Variants in BRAF observed in about 807,000 individuals in gnomAD.
BRAF encodes serine/threonine-protein kinase B-raf.
In BRAF, 16 loss-of-function variants were observed where a neutral mutation model predicts 104.6. The observed-to-expected ratio is 0.15, with a 90% CI of 0.10 to 0.23. BRAF has a LOEUF of 0.23. Ranked by LOEUF, BRAF falls within the 10% of genes least tolerant of loss-of-function variation. The pLI, the probability that BRAF is intolerant of heterozygous loss-of-function variation, is 1.00. For missense variants in BRAF, 541 were observed against 937.3 expected (o/e 0.58, Z 5.52); for synonymous variants, 310 against 341.6 (o/e 0.91, Z 1.02).
Position 140,721,668 on chromosome 7 carries a change from G to A in BRAF, c.*4826C>T. 1.3e-6 allele frequency: 2 copies of A among 1,534,776 alleles called. No homozygotes were observed. Among genetic ancestry groups the A allele is most frequent in the South Asian group, 1.2e-5 (1 of 83,756 alleles). Reference sequence around the variant, plus strand: ...TCTTCTGGGGCTCAACTACCGATGGGCATCAGTAATCCATCCCAGTATAAC... The same window carrying A: ...TCTTCTGGGGCTCAACTACCGATGGACATCAGTAATCCATCCCAGTATAAC... On this transcript the variant is annotated 3_prime_UTR_variant, in exon 20 of 20. Transcript: ENST00000644969.
Position 140,846,760 on chromosome 7 carries a change from T to A in BRAF, c.240+3351A>T, listed in dbSNP as rs557727842. Among the ~76,000 whole-genome samples the A allele has an allele frequency of 1.1e-4, 16 of 152,232 alleles. No homozygotes were observed. The South Asian group carries it at 2.7e-3, about 26-fold the overall frequency. On this transcript the variant is annotated intron_variant, in intron 2 of 19. Transcript: ENST00000644969. Reference sequence around the variant, plus strand: ...TGAGAAACCTGCAGAACGGTGGGTCTCAGTGAGTAATCAGTAGATCTAGCT... The same window carrying A: ...TGAGAAACCTGCAGAACGGTGGGTCACAGTGAGTAATCAGTAGATCTAGCT...
In BRAF at chr7:140,761,411, G is replaced by C. The variant is rs1293392384; in HGVS notation, c.1815-7178C>G. Among the ~76,000 whole-genome samples, 15 of 152,106 alleles carry C rather than the reference G, an allele frequency of 9.9e-5. No homozygotes were observed. The East Asian group carries it at 1.5e-3, about 16-fold the overall frequency. On this transcript the variant is annotated intron_variant, in intron 14 of 19. Coordinates refer to ENST00000644969, the MANE Select transcript of BRAF (RefSeq NM_001374258.1). ...AAGCACTAAACATGGAAAGGAACAA[G>C]TGGTACCAGCCACTGCAAAATCATG...
rs902331470 is a variant in BRAF, at chr7:140,723,451, G to T, written c.*3043C>A. On this transcript the variant is annotated 3_prime_UTR_variant, in exon 20 of 20. Coordinates refer to ENST00000644969, the MANE Select transcript of BRAF (RefSeq NM_001374258.1). ...CCTACTAGATCTCAAATACAATCAGGGGTGAGATATTCGGGAACCAGAATT... is the reference window on the plus strand; with the variant it reads ...CCTACTAGATCTCAAATACAATCAGTGGTGAGATATTCGGGAACCAGAATT... 2 of 1,053,552 alleles carry T rather than the reference G, an allele frequency of 1.9e-6. No homozygotes were observed. Among genetic ancestry groups the T allele is most frequent in the African/African-American group, 3.3e-5 (2 of 60,108 alleles). The allele number at this position is 1,053,552 out of a possible 1,614,324, so 65.3% of individuals were successfully genotyped here.
intron 2 of BRAF, among the ~76,000 whole-genome samples, chr7:140,839,545 C>CA (rs1325326436): frequency 6.6e-6 from 1 of 151,906 alleles, no homozygotes; most frequent in Non-Finnish European, 1.5e-5. Context: ...GCCTGGGAAA[C>CA]ATGGTGAAAC....
intron 3 of BRAF, among the ~76,000 whole-genome samples, chr7:140,822,983 T>C (rs964664324): frequency 2.6e-5 from 4 of 152,132 alleles, no homozygotes; most frequent in African/African-American, 9.7e-5. Flanking sequence ...CCACCACTCC[T>C]GGCTAATTAA....
At chr7:140,912,506 A>C (rs1223575247) in intron 1 of BRAF, among the ~76,000 whole-genome samples, 3 of 152,042 alleles carry the variant, frequency 2.0e-5, no homozygotes, top group Non-Finnish European at 4.4e-5. Flanking sequence ...CTCCCTCCTG[A>C]AACGTTTTAC....
intron 1 of BRAF, among the ~76,000 whole-genome samples, chr7:140,860,316 T>C (rs1215195648): frequency 6.6e-6 from 1 of 151,850 alleles, no homozygotes; most frequent in African/African-American, 2.4e-5. Flanking sequence ...GAATAGGTAG[T>C]TCACTATAGG....
In BRAF at chr7:140,790,132, A is replaced by T. The variant is rs529023798; in HGVS notation, c.1141-2548T>A. Among the ~76,000 whole-genome samples the T allele has an allele frequency of 5.3e-5, 8 of 152,298 alleles. No homozygotes were observed. The East Asian group carries it at 9.7e-4, about 18-fold the overall frequency. On this transcript the variant is annotated intron_variant, in intron 8 of 19. Coordinates refer to ENST00000644969, the MANE Select transcript of BRAF (RefSeq NM_001374258.1). ...GGGGTTTCAGAGATAGGCATGTAGA[A>T]AAGCAAAGAGTCTTTCAGGTGGAAG...
intron 1 of BRAF, among the ~76,000 whole-genome samples, chr7:140,872,618 G>A (rs1233566085): frequency 6.6e-6 from 1 of 152,184 alleles, no homozygotes; most frequent in African/African-American, 2.4e-5. Context: ...ACTTTGGGAG[G>A]TTGAGGTGGG....
At position 140,720,708 on chromosome 7, in the gene BRAF, C is replaced by T; in HGVS notation, c.*5786G>A. 9.4e-7 allele frequency: 1 copy of T among 1,065,940 alleles called. No homozygotes were observed. The highest frequency in any genetic ancestry group is 1.1e-6 in the Non-Finnish European group (1 of 879,676). 66.0% of individuals were successfully genotyped at this position (1,065,940 alleles called of 1,614,324 possible). A position where few individuals can be genotyped will look rare whatever the true frequency, so the allele number is the denominator to read the frequency against. On this transcript the variant is annotated 3_prime_UTR_variant, in exon 20 of 20. Coordinates refer to ENST00000644969, the MANE Select transcript of BRAF (RefSeq NM_001374258.1). ...TCTGTTCTCTACATCTGTGCCTACTCTGTGAGCTTTGTTGTTTATGCTAGT... is the reference window on the plus strand; with the variant it reads ...TCTGTTCTCTACATCTGTGCCTACTTTGTGAGCTTTGTTGTTTATGCTAGT...
chr7:140,720,151 G>C lies in BRAF; in HGVS notation c.*6343C>G. On this transcript the variant is annotated 3_prime_UTR_variant, in exon 20 of 20. Coordinates refer to ENST00000644969, the MANE Select transcript of BRAF (RefSeq NM_001374258.1). ...AATTCAATCCCCTGATCAGTTGTAT[G>C]ATCCTATCTTAGGAAAGGCAGCAAT... is the stretch of plus-strand genomic sequence containing the variant. 9.4e-7 allele frequency: 1 copy of C among 1,061,734 alleles called. No homozygotes were observed. The highest frequency in any genetic ancestry group is 1.1e-6 in the Non-Finnish European group (1 of 877,056). The allele number at this position is 1,061,734 out of a possible 1,614,324, so 65.8% of individuals were successfully genotyped here. A position where few individuals can be genotyped will look rare whatever the true frequency, so the allele number is the denominator to read the frequency against.
intron 1 of BRAF, among the ~76,000 whole-genome samples, chr7:140,889,549 C>T (rs1813978217): frequency 6.6e-6 from 1 of 151,716 alleles, no homozygotes. Context: ...TGGAGACTAC[C>T]GACTTAAAAT....
intron 12 of BRAF, chr7:140,781,256 C>CT: frequency 2.8e-6 from 1 of 352,436 alleles, no homozygotes; most frequent in Non-Finnish European, 5.4e-6. Context: ...AATATGTTTA[C>CT]TTGTGACTTA....
intron 14 of BRAF, among the ~76,000 whole-genome samples, chr7:140,759,726 C>T (rs1381593938): frequency 6.6e-6 from 1 of 152,156 alleles, no homozygotes; most frequent in African/African-American, 2.4e-5. Flanking sequence ...AACCACGAAA[C>T]ACCAAAGAAG....
At position 140,723,844 on chromosome 7, in the gene BRAF, ACTT is replaced by A. The variant is rs1795445326; in HGVS notation, c.*2647_*2649del. On this transcript the variant is annotated 3_prime_UTR_variant, in exon 20 of 20. Transcript: ENST00000644969. ...CATAAAGTGCTTTTCACAAATAAGGACTTCTTCCTCGTTTTTTTAGGAGCTCAG... is the reference window on the plus strand; with the variant it reads ...CATAAAGTGCTTTTCACAAATAAGGACTTCCTCGTTTTTTTAGGAGCTCAG... The A allele has an allele frequency of 2.9e-6, 3 of 1,046,204 alleles. No individual in the cohort carries two copies. Among genetic ancestry groups the A allele is most frequent in the Non-Finnish European group, 3.5e-6 (3 of 867,336 alleles). 64.8% of individuals were successfully genotyped at this position (1,046,204 alleles called of 1,614,324 possible).
At chr7:140,792,178 C>G (rs1230545247) in intron 8 of BRAF, among the ~76,000 whole-genome samples, 1 of 152,146 alleles carries the variant, frequency 6.6e-6, no homozygotes, top group Non-Finnish European at 1.5e-5. Flanking sequence ...TTCTCAGCAC[C>G]AATGCTATTA....
At chr7:140,824,909 C>T (rs185267340) in intron 3 of BRAF, among the ~76,000 whole-genome samples, 1 of 152,026 alleles carries the variant, frequency 6.6e-6, no homozygotes, top group East Asian at 1.9e-4. Context: ...GCGTTTATTA[C>T]CATCCATATA....
Position 140,721,754 on chromosome 7 carries a change from C to T in BRAF, c.*4740G>A. The T allele has an allele frequency of 1.3e-6, 2 of 1,496,624 alleles. No individual in the cohort carries two copies. The highest frequency in any genetic ancestry group is 2.6e-5 in the South Asian group (2 of 77,662). 92.7% of individuals were successfully genotyped at this position (1,496,624 alleles called of 1,614,324 possible). A position where few individuals can be genotyped will look rare whatever the true frequency, so the allele number is the denominator to read the frequency against. On this transcript the variant is annotated 3_prime_UTR_variant, in exon 20 of 20. Transcript: ENST00000644969. ...TCTCTTTCAATGGTGAGGAATGAAA[C>T]AAGATACAAGAACCACAGCATGGAA...
At chr7:140,750,678 A>G (rs923021056) in intron 16 of BRAF, among the ~76,000 whole-genome samples, 2 of 152,234 alleles carry the variant, frequency 1.3e-5, no homozygotes, top group African/African-American at 4.8e-5. Context: ...TAAACCACAT[A>G]TAACTGTGAT....
Sources: gnomAD v4.1 joint callset for allele counts (sites outside exome capture counted in the v4.1 genomes callset) on GRCh38, gnomAD v4.1.1 for gene constraint, MANE v1.5 for transcripts, NCBI Gene and HGNC (gene_info 2026-07-23, HGNC 2026-07-21) for gene names.